INO80D: variants seen among roughly 807,000 people sequenced by gnomAD.
INO80D encodes INO80 complex subunit D.
INO80D carries 21 observed loss-of-function variants against 87.6 expected under a neutral mutation model. The observed-to-expected ratio is 0.24, with a 90% CI of 0.17 to 0.35. The LOEUF (loss-of-function observed/expected upper bound fraction) is 0.35. Among genes scored for constraint, INO80D ranks in the 10% least tolerant of loss-of-function variants. The pLI is 1.00. For synonymous variants in INO80D, 440 were observed against 491.0 expected, an observed-to-expected ratio of 0.90 and a Z score of 1.37; for missense variants, 982 against 1,280.7, an observed-to-expected ratio of 0.77 and a Z score of 3.56.
At chr2:206,029,199 A>AT (rs971773992) in intron 5 of INO80D, among the ~76,000 whole-genome samples, 4 of 152,088 alleles carry the variant, frequency 2.6e-5, no homozygotes, top group South Asian at 2.1e-4. Flanking sequence ...TCTACCATGT[A>AT]TTTTTTTAAC....
chr2:206,053,720 T>C (rs1395658168), intron 4 of INO80D, among the ~76,000 whole-genome samples: 1 of 152,198 alleles, frequency 6.6e-6, no homozygotes, highest in Admixed American at 6.5e-5. Context: ...TCAATAAATA[T>C]ATTGATATCC....
intron 5 of INO80D, among the ~76,000 whole-genome samples, chr2:206,045,550 C>T (rs1333034280): frequency 6.6e-6 from 1 of 152,108 alleles, no homozygotes; most frequent in African/African-American, 2.4e-5. Context: ...AATTCATTTT[C>T]TTACTATCAT....
intron 5 of INO80D, among the ~76,000 whole-genome samples, chr2:206,042,657 T>C (rs893769759): frequency 2.9e-4 from 40 of 138,202 alleles, no homozygotes; most frequent in African/African-American, 1.0e-3. Context: ...CTCCAGCTTG[T>C]ACGACAGAGC....
Position 205,995,792 on chromosome 2 carries a change from G to A in INO80D, c.*8576C>T, listed in dbSNP as rs972634391. Reference sequence around the variant, plus strand: ...AAGTTAATACAGAATGTCACAAACTGAGAAAAGTCAAAAGGAAATATAGCA... The same window carrying A: ...AAGTTAATACAGAATGTCACAAACTAAGAAAAGTCAAAAGGAAATATAGCA... On this transcript the variant is annotated 3_prime_UTR_variant, in exon 11 of 11. Transcript: ENST00000403263. 2 of 152,074 alleles carry A rather than the reference G, an allele frequency of 1.3e-5. No individual in the cohort carries two copies. Among genetic ancestry groups the A allele is most frequent in the African/African-American group, 4.8e-5 (2 of 41,436 alleles). The allele number at this position is 152,074 out of a possible 1,614,324, so 9.4% of individuals were successfully genotyped here.
intron 5 of INO80D, among the ~76,000 whole-genome samples, chr2:206,030,657 A>G (rs569375922): frequency 6.6e-6 from 1 of 152,318 alleles, no homozygotes; most frequent in Admixed American, 6.5e-5. Context: ...TCTGTAAGGG[A>G]ATAATGATAG....
At chr2:206,052,586 G>A (rs569455586) in intron 4 of INO80D, among the ~76,000 whole-genome samples, 1 of 152,090 alleles carries the variant, frequency 6.6e-6, no homozygotes, top group East Asian at 1.9e-4. Context: ...AAGACAGGAG[G>A]ATCAGCCTGG....
At chr2:206,057,912 A>G (rs902400784) in intron 3 of INO80D, among the ~76,000 whole-genome samples, 1 of 152,070 alleles carries the variant, frequency 6.6e-6, no homozygotes, top group African/African-American at 2.4e-5. Context: ...AAAAAAAAAA[A>G]AAGAGCAAAA....
chr2:206,005,624 C>A (rs1048733541), intron 10 of INO80D, 91 bp from the exon 11 acceptor site: 5 of 1,029,526 alleles, frequency 4.9e-6, no homozygotes, highest in African/African-American at 4.8e-5. Context: ...AAACAATATT[C>A]GATTTAAAGA....
Position 206,001,051 on chromosome 2 carries a change from C to G in INO80D, c.*3317G>C, listed in dbSNP as rs760134936. 1 of 152,158 alleles carries G rather than the reference C, an allele frequency of 6.6e-6. No individual in the cohort carries two copies. The highest frequency in any genetic ancestry group is 1.5e-5 in the Non-Finnish European group (1 of 68,024). The allele number at this position is 152,158 out of a possible 1,614,324, so 9.4% of individuals were successfully genotyped here. ...TTAGAAAATTTTTCCATTGCATAGT[C>G]TGTCACTTGGTGGGTTAAGTATAAT... is the stretch of plus-strand genomic sequence containing the variant. On this transcript the variant is annotated 3_prime_UTR_variant, in exon 11 of 11. Coordinates refer to ENST00000403263, the MANE Select transcript of INO80D (RefSeq NM_017759.5).
At chr2:206,019,903 A>G in intron 6 of INO80D, 58 bp from the exon 7 acceptor site, 1 of 1,281,442 alleles carries the variant, frequency 7.8e-7, no homozygotes, top group Non-Finnish European at 1.1e-6. Flanking sequence ...ATCCAGGGTA[A>G]TTTTTCAACA....
chr2:206,054,294 T>G (rs1052762814), intron 4 of INO80D, among the ~76,000 whole-genome samples: 5 of 151,696 alleles, frequency 3.3e-5, no homozygotes, highest in African/African-American at 1.2e-4. Context: ...AGTGCTAGGA[T>G]TATAGGTATG....
At chr2:206,028,015 A>T in intron 6 of INO80D, 96 bp downstream of exon 6, 1 of 795,056 alleles carries the variant, frequency 1.3e-6, no homozygotes, top group African/African-American at 1.7e-5. Context: ...TTTAGGACTT[A>T]GTGGTCATCT....
At chr2:206,061,737 T>C (rs1689695764) in intron 3 of INO80D, among the ~76,000 whole-genome samples, 1 of 152,218 alleles carries the variant, frequency 6.6e-6, no homozygotes, top group Non-Finnish European at 1.5e-5. Flanking sequence ...AATTATTTAT[T>C]TCATACTGCA....
At chr2:206,045,351 T>C (rs185116718) in intron 5 of INO80D, among the ~76,000 whole-genome samples, 1 of 152,322 alleles carries the variant, frequency 6.6e-6, no homozygotes, top group African/African-American at 2.4e-5. Flanking sequence ...TTTTTAATCC[T>C]ATAAACTCAA....
intron 1 of INO80D, among the ~76,000 whole-genome samples, chr2:206,072,274 G>A (rs1689991652): frequency 6.6e-6 from 1 of 150,718 alleles, no homozygotes; most frequent in Admixed American, 6.6e-5. Context: ...TTTTTGGGAG[G>A]GTTTTGTTTG....
intron 1 of INO80D, among the ~76,000 whole-genome samples, chr2:206,084,972 G>A (rs1481650696): frequency 6.6e-6 from 1 of 152,192 alleles, no homozygotes; most frequent in African/African-American, 2.4e-5. Flanking sequence ...GGGGGAAGGG[G>A]CTGGAGTTAG....
intron 1 of INO80D, among the ~76,000 whole-genome samples, chr2:206,080,243 C>T (rs1307191889): frequency 3.3e-5 from 5 of 152,188 alleles, no homozygotes; most frequent in Non-Finnish European, 7.3e-5. Flanking sequence ...GCCCAGGACT[C>T]TAAAGTGAGC....
chr2:206,022,536 C>T (rs1010150042), intron 6 of INO80D, among the ~76,000 whole-genome samples: 1 of 152,000 alleles, frequency 6.6e-6, no homozygotes, highest in African/African-American at 2.4e-5. Context: ...CTATTGCACC[C>T]CCCATAAATA....
At chr2:206,059,263 T>C (rs1367687874) in intron 3 of INO80D, among the ~76,000 whole-genome samples, 2 of 151,774 alleles carry the variant, frequency 1.3e-5, no homozygotes, top group Non-Finnish European at 2.9e-5. Context: ...CGCCTGTAAT[T>C]CCAGCTACTT....
Sources: allele counts gnomAD v4.1 joint callset (sites outside exome capture counted in the v4.1 genomes callset), GRCh38; gene constraint gnomAD v4.1.1; transcripts MANE v1.5; gene names NCBI Gene and HGNC (gene_info 2026-07-23, HGNC 2026-07-21).